QKI: variants seen among roughly 807,000 people sequenced by gnomAD.
The protein encoded by QKI is KH domain-containing RNA-binding protein QKI.
Under a neutral mutation model 39.0 loss-of-function variants are expected in QKI, and 10 were observed. The observed-to-expected ratio is 0.26, with a 90% CI of 0.16 to 0.43. The LOEUF is 0.43. QKI is among the 20% of genes least tolerant of loss of function. The pLI is 1.00. For missense variants in QKI, 218 were observed against 428.0 expected (o/e 0.51, Z 4.33); for synonymous variants, 204 against 155.4 (o/e 1.31, Z -2.33).
intron 2 of QKI, 114 bp downstream of exon 2, chr6:163,455,535 A>C (rs1430655569): frequency 1.9e-6 from 2 of 1,062,478 alleles, no homozygotes; most frequent in Non-Finnish European, 2.7e-6. Context: ...AAATGCAGTC[A>C]TCAACTGAAG....
rs1787367890 is a variant in QKI at position 163,415,452 on chromosome 6, G to A, written c.142+117G>A. On this transcript the variant is annotated intron_variant, in intron 1 of 7. Transcript: ENST00000361752. ...GGCCGGGCGGGACCGAGCGCCGGGGGGACTGGGAGGCCAGGAGGGCGCACA... is the reference window on the plus strand; with the variant it reads ...GGCCGGGCGGGACCGAGCGCCGGGGAGACTGGGAGGCCAGGAGGGCGCACA... The A allele has an allele frequency of 2.1e-5, 22 of 1,038,642 alleles. 1 individual carries two copies. In the South Asian group the frequency reaches 3.6e-4, roughly 17 times the overall value. 64.3% of individuals were successfully genotyped at this position (1,038,642 alleles called of 1,614,324 possible).
chr6:163,507,593 T>A (rs1166968855), intron 3 of QKI, among the ~76,000 whole-genome samples: 1 of 152,106 alleles, frequency 6.6e-6, no homozygotes, highest in Non-Finnish European at 1.5e-5. Context: ...ATCCCCAAAT[T>A]GTAGCTGACC....
chr6:163,536,948 C>T (rs964793713), intron 4 of QKI, among the ~76,000 whole-genome samples: 1 of 152,128 alleles, frequency 6.6e-6, no homozygotes, highest in Non-Finnish European at 1.5e-5. Context: ...GTGACTCATG[C>T]CTATAATCCC....
intron 2 of QKI, among the ~76,000 whole-genome samples, chr6:163,458,152 TC>T (rs1427647075): frequency 6.6e-6 from 1 of 152,150 alleles, no homozygotes; most frequent in Non-Finnish European, 1.5e-5. Flanking sequence ...GATTCAGACT[TC>T]TAGCTAGTTT....
chr6:163,449,590 C>A (rs569762475), intron 1 of QKI, among the ~76,000 whole-genome samples: 5 of 152,192 alleles, frequency 3.3e-5, no homozygotes, highest in Admixed American at 3.3e-4. Flanking sequence ...TTTTACAAAT[C>A]CTGAAAGTAA....
chr6:163,441,508 C>CT (rs1013481129), intron 1 of QKI, among the ~76,000 whole-genome samples: 20 of 152,144 alleles, frequency 1.3e-4, no homozygotes, highest in Non-Finnish European at 4.4e-5. Context: ...AAAAACAAAG[C>CT]TATCTGCCCT....
chr6:163,501,014 C>T (rs1778723909), intron 3 of QKI, among the ~76,000 whole-genome samples: 1 of 152,104 alleles, frequency 6.6e-6, no homozygotes, highest in Admixed American at 6.6e-5. Flanking sequence ...AAAATAGTTT[C>T]TCAGTCAAAT....
At chr6:163,500,783 A>T (rs952725555) in intron 3 of QKI, among the ~76,000 whole-genome samples, 7 of 152,260 alleles carry the variant, frequency 4.6e-5, no homozygotes, top group African/African-American at 1.7e-4. Context: ...GGAAAGTTGA[A>T]TGTAAAACCT....
At chr6:163,466,389 G>GA (rs1791756436) in intron 2 of QKI, among the ~76,000 whole-genome samples, 1 of 151,944 alleles carries the variant, frequency 6.6e-6, no homozygotes, top group African/African-American at 2.4e-5. Context: ...ACAGAAATAG[G>GA]AAAAAACAAT....
rs991949147 is a variant in QKI, at chr6:163,545,776, G to T, written c.546+10651G>T. Among the ~76,000 whole-genome samples, 5 of 151,816 alleles carry T rather than the reference G, an allele frequency of 3.3e-5. No homozygotes were observed. In the South Asian group the frequency reaches 6.2e-4, roughly 19 times the overall value. On this transcript the variant is annotated intron_variant, in intron 4 of 7. Coordinates refer to ENST00000361752, the MANE Select transcript of QKI (RefSeq NM_006775.3). ...AGACATCTTGTAATTCTAAATTTTAGGCGTTGCAAATGTAAAAAAAAGGGA... is the reference window on the plus strand; with the variant it reads ...AGACATCTTGTAATTCTAAATTTTATGCGTTGCAAATGTAAAAAAAAGGGA...
intron 2 of QKI, among the ~76,000 whole-genome samples, chr6:163,475,996 A>G (rs558072503): frequency 2.0e-5 from 3 of 152,368 alleles, no homozygotes; most frequent in South Asian, 4.1e-4. Context: ...GTAGAAATCA[A>G]TAAGGAAAAG....
At chr6:163,445,638 G>A (rs1403077736) in intron 1 of QKI, among the ~76,000 whole-genome samples, 1 of 131,140 alleles carries the variant, frequency 7.6e-6, no homozygotes, top group African/African-American at 2.9e-5. Context: ...TTTTTTAGTT[G>A]GAGTCTTGCT....
At chr6:163,556,503 C>CAAA (rs61233361) in intron 4 of QKI, among the ~76,000 whole-genome samples, 74 of 82,980 alleles carry the variant, frequency 8.9e-4, no homozygotes, top group South Asian at 1.3e-3. Context: ...AATTCCACCT[C>CAAA]AAAAAAAAAA....
chr6:163,569,305 T>TA, intron 7 of QKI: 1 of 1,046,018 alleles, frequency 9.6e-7, no homozygotes, highest in Non-Finnish European at 1.2e-6. Context: ...ATTTTTGTCA[T>TA]ATGAAGGTAA....
intron 4 of QKI, among the ~76,000 whole-genome samples, chr6:163,548,274 A>G (rs1782013502): frequency 6.6e-6 from 1 of 152,176 alleles, no homozygotes; most frequent in South Asian, 2.1e-4. Context: ...TTGCACATAC[A>G]TAGAAAGTGA....
At chr6:163,512,232 T>C (rs1487793382) in intron 3 of QKI, among the ~76,000 whole-genome samples, 3 of 152,014 alleles carry the variant, frequency 2.0e-5, no homozygotes, top group African/African-American at 7.2e-5. Flanking sequence ...AGTAATATAC[T>C]CAGCAGTAAA....
intron 4 of QKI, among the ~76,000 whole-genome samples, chr6:163,541,452 T>A (rs897343748): frequency 1.1e-4 from 17 of 151,384 alleles, no homozygotes; most frequent in African/African-American, 4.1e-4. Flanking sequence ...GTATTGTTTA[T>A]AGATGAAGAT....
Position 163,570,841 on chromosome 6 carries a change from G to C in QKI, c.*131G>C. On this transcript the variant is annotated 3_prime_UTR_variant, in exon 8 of 8. Coordinates refer to ENST00000361752, the MANE Select transcript of QKI (RefSeq NM_006775.3). Reference sequence around the variant, plus strand: ...AGCGAGCTGAGGCACTTGTCCGTTCGTCTTACCATCTAACCAAACAAAAGA... The same window carrying C: ...AGCGAGCTGAGGCACTTGTCCGTTCCTCTTACCATCTAACCAAACAAAAGA... 1 of 1,213,320 alleles carries C rather than the reference G, an allele frequency of 8.2e-7. No homozygotes were observed. Among genetic ancestry groups the C allele is most frequent in the Non-Finnish European group, 1.1e-6 (1 of 886,496 alleles). 75.2% of individuals were successfully genotyped at this position (1,213,320 alleles called of 1,614,324 possible). A position where few individuals can be genotyped will look rare whatever the true frequency, so the allele number is the denominator to read the frequency against.
chr6:163,435,815 ATGTT>A (rs1789226586), intron 1 of QKI, among the ~76,000 whole-genome samples: 1 of 152,282 alleles, frequency 6.6e-6, no homozygotes, highest in Admixed American at 6.5e-5. Context: ...TACTGACAGA[ATGTT>A]TGTCATATAA....
Sources: gnomAD v4.1 joint callset for allele counts (sites outside exome capture counted in the v4.1 genomes callset) on GRCh38, gnomAD v4.1.1 for gene constraint, MANE v1.5 for transcripts, NCBI Gene and HGNC (gene_info 2026-07-23, HGNC 2026-07-21) for gene names.